SV2C: variants seen among roughly 807,000 people sequenced by gnomAD.
The protein encoded by SV2C is solute carrier family 22 member B3.
In SV2C, 49 loss-of-function variants were observed where a neutral mutation model predicts 79.7. The ratio of observed to expected loss-of-function variants is 0.61; its 90% CI spans 0.49 to 0.78. The LOEUF is 0.78. Ranked by LOEUF, SV2C falls within the 30% of genes least tolerant of loss-of-function variation. The pLI is 0.00. For synonymous variants in SV2C, 334 were observed against 333.2 expected (o/e 1.00, Z -0.03); for missense variants, 833 against 912.9 (o/e 0.91, Z 1.13).
chr5:76,064,013 C>T, the SV2C span, among the ~76,000 whole-genome samples: 1 of 152,064 alleles, frequency 6.6e-6, no homozygotes, highest in Non-Finnish European at 1.5e-5. Context: ...GAATAAAATA[C>T]ATAATGATAA....
At chr5:75,950,509 A>C in the SV2C span, among the ~76,000 whole-genome samples, 1 of 152,036 alleles carries the variant, frequency 6.6e-6, no homozygotes, top group African/African-American at 2.4e-5. Context: ...GCCTTTTTGA[A>C]GTTTTTCCTT....
rs552412914 is a variant in SV2C at position 76,237,458 on chromosome 5, G to GT, written c.913+27574dup. 3.3e-4 allele frequency among the ~76,000 whole-genome samples: 50 copies of GT among 152,016 alleles called. No individual in the cohort carries two copies. In the East Asian group the frequency reaches 8.5e-3, roughly 26 times the overall value. Reference sequence around the variant, plus strand: ...TTCTCCGAGAGTTCTTGGTCCTTCCGTTTCTTAGGTCTGCTGCATATCTGT... The same window carrying GT: ...TTCTCCGAGAGTTCTTGGTCCTTCCGTTTTCTTAGGTCTGCTGCATATCTGT... On this transcript the variant is annotated intron_variant, in intron 4 of 12. Transcript: ENST00000502798.
the SV2C span, among the ~76,000 whole-genome samples, chr5:75,897,089 A>T: frequency 2.0e-5 from 3 of 146,754 alleles, no homozygotes; most frequent in African/African-American, 8.0e-5. Flanking sequence ...CCCATTTGTC[A>T]ATTTTGTCTT....
the SV2C span, among the ~76,000 whole-genome samples, chr5:75,935,299 G>C: frequency 6.6e-6 from 1 of 152,126 alleles, no homozygotes; most frequent in Non-Finnish European, 1.5e-5. Flanking sequence ...GTAATATCTA[G>C]TATTTGGGGT....
At chr5:76,281,906 A>G (rs1254081337) in intron 4 of SV2C, among the ~76,000 whole-genome samples, 3 of 152,258 alleles carry the variant, frequency 2.0e-5, no homozygotes, top group Non-Finnish European at 4.4e-5. Flanking sequence ...CCTTAACTTA[A>G]TAACACTTAC....
At chr5:75,996,978 C>T in the SV2C span, among the ~76,000 whole-genome samples, 1 of 143,186 alleles carries the variant, frequency 7.0e-6, no homozygotes, top group African/African-American at 2.6e-5. Flanking sequence ...CCCTTTATTT[C>T]CTTCTCCTGC....
chr5:76,015,249 C>A, the SV2C span, among the ~76,000 whole-genome samples: 1 of 152,136 alleles, frequency 6.6e-6, no homozygotes. Context: ...TAAATTGCAT[C>A]ATGAAATGAC....
chr5:75,923,830 C>T, the SV2C span, among the ~76,000 whole-genome samples: 2 of 152,120 alleles, frequency 1.3e-5, no homozygotes, highest in Non-Finnish European at 2.9e-5. Flanking sequence ...TCAGTACAAC[C>T]ACTATGGAAA....
chr5:76,335,209 T>G (rs540834401), downstream of SV2C, among the ~76,000 whole-genome samples: 363 of 152,282 alleles, frequency 2.4e-3, no homozygotes, highest in Non-Finnish European at 3.9e-3. Flanking sequence ...CTCTGCAGGC[T>G]GTTCCTTCTC....
At chr5:75,853,607 CAAAAAAAAA>C in the SV2C span, among the ~76,000 whole-genome samples, 28 of 28,466 alleles carry the variant, frequency 9.8e-4, no homozygotes, top group African/African-American at 4.3e-3. Flanking sequence ...GACTCCGTCT[CAAAAAAAAA>C]AAAAAAAAAA....
At chr5:76,092,636 C>T (rs1035734527) in intron 1 of SV2C, among the ~76,000 whole-genome samples, 3 of 151,842 alleles carry the variant, frequency 2.0e-5, no homozygotes, top group Admixed American at 6.6e-5. Flanking sequence ...TGTATTAATA[C>T]TTGGAATATT....
chr5:76,302,391 G>A (rs189684624), intron 12 of SV2C, among the ~76,000 whole-genome samples: 3 of 152,042 alleles, frequency 2.0e-5, no homozygotes, highest in South Asian at 2.1e-4. Flanking sequence ...TTGGGAGGCC[G>A]AGGCGGGCAG....
At chr5:76,076,709 T>A in the SV2C span, among the ~76,000 whole-genome samples, 1 of 152,208 alleles carries the variant, frequency 6.6e-6, no homozygotes, top group Non-Finnish European at 1.5e-5. Context: ...TGTATTCAGT[T>A]GAAATTTCTC....
the SV2C span, among the ~76,000 whole-genome samples, chr5:76,039,332 A>G: frequency 6.6e-6 from 1 of 152,200 alleles, no homozygotes; most frequent in African/African-American, 2.4e-5. Context: ...CAGGTGACCA[A>G]GTAGGAAAAC....
chr5:76,129,180 C>A (rs1025640280), intron 1 of SV2C, among the ~76,000 whole-genome samples: 28 of 152,144 alleles, frequency 1.8e-4, no homozygotes, highest in Non-Finnish European at 1.5e-5. Flanking sequence ...TCAGAGAGAC[C>A]CCTGTACCCT....
intron 1 of SV2C, among the ~76,000 whole-genome samples, chr5:76,114,953 T>A (rs907367634): frequency 6.6e-6 from 1 of 152,254 alleles, no homozygotes; most frequent in Non-Finnish European, 1.5e-5. Context: ...ATGATTTGCC[T>A]TTTTGATGTT....
intron 4 of SV2C, among the ~76,000 whole-genome samples, chr5:76,210,869 A>G (rs892734756): frequency 6.6e-6 from 1 of 152,218 alleles, no homozygotes; most frequent in Non-Finnish European, 1.5e-5. Context: ...CGACGAACAC[A>G]TATGTTTCTT....
chr5:76,021,164 A>G, the SV2C span, among the ~76,000 whole-genome samples: 1 of 152,184 alleles, frequency 6.6e-6, no homozygotes, highest in Non-Finnish European at 1.5e-5. Context: ...TGCTCTTTAT[A>G]AGACTAATAT....
chr5:76,302,223 A>C (rs866650626), intron 12 of SV2C, among the ~76,000 whole-genome samples: 1 of 152,216 alleles, frequency 6.6e-6, no homozygotes, highest in Non-Finnish European at 1.5e-5. Flanking sequence ...TTAGGTTTGC[A>C]GATGTGTCTG....
Sources: allele counts gnomAD v4.1 joint callset (sites outside exome capture counted in the v4.1 genomes callset), GRCh38; gene constraint gnomAD v4.1.1; transcripts MANE v1.5; gene names NCBI Gene and HGNC (gene_info 2026-07-23, HGNC 2026-07-21).